Variants in NELFB observed in about 807,000 individuals in gnomAD.
NELFB encodes the protein negative elongation factor complex member B.
Under a neutral mutation model 60.2 loss-of-function variants are expected in NELFB, and 34 were observed. That is an observed-to-expected ratio of 0.56 (90% CI 0.43 to 0.75). The LOEUF (loss-of-function observed/expected upper bound fraction) is 0.75. NELFB is among the 30% of genes least tolerant of loss of function. The pLI, the probability that NELFB is intolerant of heterozygous loss-of-function variation, is 0.00. For missense variants in NELFB, 770 were observed against 831.6 expected, an observed-to-expected ratio of 0.93 and a Z score of 0.91; for synonymous variants, 459 against 382.1, an observed-to-expected ratio of 1.20 and a Z score of -2.35.
rs749738091 is a variant in NELFB, at chr9:137,255,984, G to A, written c.324G>A (p.Glu108=). The change falls in exon 2 of 13, where the codon GAG becomes GAA. Residue 108 remains glutamate (E), a synonymous_variant. Coordinates refer to ENST00000343053, the MANE Select transcript of NELFB (RefSeq NM_015456.5). ...ACCTGCACGGGACGCCGCGGCTGGAGTTCCACCAGTCGGTATTCGATGAGC... is the reference window on the plus strand; with the variant it reads ...ACCTGCACGGGACGCCGCGGCTGGAATTCCACCAGTCGGTATTCGATGAGC... 2 of 1,613,860 alleles carry A rather than the reference G, an allele frequency of 1.2e-6. No homozygotes were observed. The highest frequency in any genetic ancestry group is 2.2e-5 in the South Asian group (2 of 91,090).
Position 137,269,223 on chromosome 9 carries a change from T to G in NELFB, c.1489+1877T>G, listed in dbSNP as rs144412653. ...TCCCCAGCCATCCTCTCACTGAGCT[T>G]GGGTTGCCTGGGCCTGGGTTTCCTG... is the stretch of plus-strand genomic sequence containing the variant. On this transcript the variant is annotated intron_variant, in intron 10 of 12. Transcript: ENST00000343053. The surrounding 1 kb of genome is among the most constrained non-coding windows in gnomAD (Gnocchi z 5.3). Among the ~76,000 whole-genome samples the G allele has an allele frequency of 8.5e-3, 1,291 of 152,184 alleles. 17 individuals carry two copies. Among genetic ancestry groups the G allele is most frequent in the African/African-American group, 0.03 (1,227 of 41,506 alleles).
In NELFB at chr9:137,265,054, T is replaced by TTTTC. The variant is rs1554791518; in HGVS notation, c.1040+697_1040+698insTTTC. On this transcript the variant is annotated intron_variant, in intron 6 of 12. Transcript: ENST00000343053. ...TCCTTTTTTTTTTTTTTTTTTTTTT[T>TTTTC]CTGAGACAGGGTCTCTGTCACCCAG... Among the ~76,000 whole-genome samples, 24 of 114,064 alleles carry TTTTC rather than the reference T, an allele frequency of 2.1e-4. 9 individuals carry two copies. The highest frequency in any genetic ancestry group is 3.0e-4 in the Non-Finnish European group (15 of 50,838). 74.8% of individuals were successfully genotyped at this position (114,064 alleles called of 152,430 possible).
intron 6 of NELFB, 40 bp downstream of exon 6, chr9:137,264,397 C>T (rs1178478137): frequency 7.7e-6 from 11 of 1,429,542 alleles, no homozygotes; most frequent in African/African-American, 1.4e-5. Context: ...CCTCAGGGCC[C>T]TGCGTGCATC....
In NELFB at chr9:137,269,775, C is replaced by T. The variant is rs991333131; in HGVS notation, c.1490-2306C>T. 5.3e-5 allele frequency among the ~76,000 whole-genome samples: 8 copies of T among 152,168 alleles called. No individual in the cohort carries two copies. The highest frequency in any genetic ancestry group is 7.3e-5 in the Non-Finnish European group (5 of 68,042). ...AGACTCACCTGGGAGGCCTTCCGTGCGCTTCTGTTTCTTTCTCTCATTTGA... is the reference window on the plus strand; with the variant it reads ...AGACTCACCTGGGAGGCCTTCCGTGTGCTTCTGTTTCTTTCTCTCATTTGA... On this transcript the variant is annotated intron_variant, in intron 10 of 12. Coordinates refer to ENST00000343053, the MANE Select transcript of NELFB (RefSeq NM_015456.5). The surrounding 1 kb of genome is among the most constrained non-coding windows in gnomAD (Gnocchi z 5.3).
At chr9:137,267,112 G>T in intron 9 of NELFB, 26 bp downstream of exon 9, 1 of 1,613,688 alleles carries the variant, frequency 6.2e-7, no homozygotes, top group Non-Finnish European at 8.5e-7. Flanking sequence ...CCATGGTGCA[G>T]GGGTGGCCGT....
chr9:137,257,931 G>A (rs1021515590), intron 4 of NELFB, among the ~76,000 whole-genome samples: 1 of 151,716 alleles, frequency 6.6e-6, no homozygotes, highest in Admixed American at 6.6e-5. Flanking sequence ...GAGTAGCTGG[G>A]ACCACAGGCA....
intron 3 of NELFB, 114 bp downstream of exon 3, chr9:137,256,542 C>A: frequency 3.3e-6 from 3 of 922,362 alleles, no homozygotes; most frequent in South Asian, 1.4e-5. Flanking sequence ...GCTGCCTGCC[C>A]AAGTGCTGTC....
chr9:137,255,854 C>T, intron 1 of NELFB, 53 bp from the exon 2 acceptor site: 2 of 1,597,142 alleles, frequency 1.3e-6, no homozygotes, highest in East Asian at 2.2e-5. Context: ...CTCAGGACCT[C>T]GGGGTGCCCG....
At chr9:137,265,545 C>T (rs1199551339) in intron 6 of NELFB, among the ~76,000 whole-genome samples, 1 of 151,832 alleles carries the variant, frequency 6.6e-6, no homozygotes, top group Non-Finnish European at 1.5e-5. Flanking sequence ...ACCACCACCA[C>T]GCCCGGCTAA....
Position 137,267,250 on chromosome 9 carries a change from G to T in NELFB, c.1393G>T (p.Glu465Ter). Residue 465 changes from glutamate (E) to a stop codon, truncating the protein, a stop_gained, in exon 10 of 13, where the codon GAG (glutamate) becomes TAG (stop). Transcript: ENST00000343053. LOFTEE classifies it high-confidence loss of function. ...GCGCCCCGGGCGCAGGTTTCTGCAG[G>T]AGCAGCGCATGGCCTGCGAGGTGGG... is the stretch of plus-strand genomic sequence containing the variant. The T allele has an allele frequency of 6.2e-7, 1 of 1,612,534 alleles. No homozygotes were observed. Among genetic ancestry groups the T allele is most frequent in the South Asian group, 1.1e-5 (1 of 91,020 alleles).
At position 137,271,074 on chromosome 9, in the gene NELFB, C is replaced by T. The variant is rs138238585; in HGVS notation, c.1490-1007C>T. Reference sequence around the variant, plus strand: ...GGACGGTCCCGTCAGGGTTGGGATGCGCCTGCTGTCCCCTCTCCTGTCTCG... The same window carrying T: ...GGACGGTCCCGTCAGGGTTGGGATGTGCCTGCTGTCCCCTCTCCTGTCTCG... On this transcript the variant is annotated intron_variant, in intron 10 of 12. Coordinates refer to ENST00000343053, the MANE Select transcript of NELFB (RefSeq NM_015456.5). 4.0e-3 allele frequency among the ~76,000 whole-genome samples: 612 copies of T among 152,388 alleles called. 2 individuals carry two copies. Among genetic ancestry groups the T allele is most frequent in the East Asian group, 0.017 (87 of 5,188 alleles).
At chr9:137,266,501 G>A (rs1248586056) in intron 8 of NELFB, 75 bp downstream of exon 8, 6 of 1,281,382 alleles carry the variant, frequency 4.7e-6, no homozygotes, top group South Asian at 2.6e-5. Flanking sequence ...AGGGGGAGGC[G>A]CTAGCAAGGT....
chr9:137,255,677 C>T, intron 1 of NELFB, 66 bp downstream of exon 1: 1 of 1,484,866 alleles, frequency 6.7e-7, no homozygotes, highest in South Asian at 1.3e-5. Flanking sequence ...GGGAGTCGGG[C>T]CTGGCGGAGG....
intron 4 of NELFB, among the ~76,000 whole-genome samples, chr9:137,260,136 G>A (rs1309757483): frequency 6.7e-6 from 1 of 150,094 alleles, no homozygotes; most frequent in Non-Finnish European, 1.5e-5. Context: ...TGCAAGCTCC[G>A]CCTCCCGGGT....
intron 4 of NELFB, among the ~76,000 whole-genome samples, 192 bp from the exon 5 acceptor site, chr9:137,262,841 TAAAA>T (rs550921623): frequency 6.6e-6 from 1 of 151,774 alleles, no homozygotes; most frequent in Non-Finnish European, 1.5e-5. Flanking sequence ...AAAAAAGTAA[TAAAA>T]AAAATAAAAA....
chr9:137,272,288 G>A (rs1476023833), intron 11 of NELFB, 66 bp downstream of exon 11: 3 of 1,591,406 alleles, frequency 1.9e-6, no homozygotes, highest in East Asian at 4.5e-5. Flanking sequence ...CAGCCTGAGA[G>A]GTGGCTGCTG....
At position 137,272,987 on chromosome 9, in the gene NELFB, G is replaced by C; in HGVS notation, c.*59G>C. On this transcript the variant is annotated 3_prime_UTR_variant, in exon 13 of 13. Coordinates refer to ENST00000343053, the MANE Select transcript of NELFB (RefSeq NM_015456.5). ...TGCCGAGTCGCGGCCCTGCTCAGCC[G>C]GAAGAGGCTCCCGGACCTGGATGTA... The C allele has an allele frequency of 6.9e-7, 1 of 1,449,324 alleles. No individual in the cohort carries two copies. Among genetic ancestry groups the C allele is most frequent in the South Asian group, 1.4e-5 (1 of 69,780 alleles). The allele number at this position is 1,449,324 out of a possible 1,614,324, so 89.8% of individuals were successfully genotyped here. A position where few individuals can be genotyped will look rare whatever the true frequency, so the allele number is the denominator to read the frequency against.
chr9:137,269,786 C>G lies in NELFB; in HGVS notation c.1490-2295C>G, dbSNP rs915984220. On this transcript the variant is annotated intron_variant, in intron 10 of 12. Transcript: ENST00000343053. This position sits in a 1 kb window ranked among gnomAD's most constrained non-coding sequence, Gnocchi z 5.3. The stretch of plus-strand genomic sequence containing the variant: ...GGAGGCCTTCCGTGCGCTTCTGTTT[C>G]TTTCTCTCATTTGATTGTGGCTAGA... 7.9e-5 allele frequency among the ~76,000 whole-genome samples: 12 copies of G among 152,148 alleles called. No individual in the cohort carries two copies. The highest frequency in any genetic ancestry group is 1.6e-4 in the Non-Finnish European group (11 of 68,032).
At chr9:137,258,382 C>T (rs920574791) in intron 4 of NELFB, among the ~76,000 whole-genome samples, 2 of 151,656 alleles carry the variant, frequency 1.3e-5, no homozygotes, top group Non-Finnish European at 2.9e-5. Flanking sequence ...CACACCTCAG[C>T]CTCCTGAAGT....
Sources: allele counts gnomAD v4.1 joint callset (sites outside exome capture counted in the v4.1 genomes callset), GRCh38; gene constraint gnomAD v4.1.1; non-coding constraint Gnocchi (gnomAD v3.1); transcripts MANE v1.5; gene names NCBI Gene and HGNC (gene_info 2026-07-23, HGNC 2026-07-21).